CELF2: variants seen among roughly 807,000 people sequenced by gnomAD.
The protein encoded by CELF2 is CUG triplet repeat RNA-binding protein 2.
CELF2 carries 8 observed loss-of-function variants against 62.6 expected under a neutral mutation model. The observed-to-expected ratio is 0.13, with a 90% CI of 0.07 to 0.23. The LOEUF (loss-of-function observed/expected upper bound fraction) is 0.23. Among genes scored for constraint, CELF2 ranks in the 10% least tolerant of loss-of-function variants. The pLI is 1.00. For synonymous variants in CELF2, 258 were observed against 250.0 expected (o/e 1.03, Z -0.30); for missense variants, 333 against 671.0 (o/e 0.50, Z 5.56).
Position 11,039,987 on chromosome 10 carries a change from G to A in CELF2, c.74+21824G>A, listed in dbSNP as rs2061545817. On this transcript the variant is annotated intron_variant, in intron 1 of 12. Coordinates refer to ENST00000633077, the MANE Select transcript of CELF2 (RefSeq NM_001326342.2). This position sits in a 1 kb window ranked among gnomAD's most constrained non-coding sequence, Gnocchi z 4.1. ...TATTGATTATCTTTATGTGGACCATGACAAATTGATTTTTTAATTGAGACT... is the reference window on the plus strand; with the variant it reads ...TATTGATTATCTTTATGTGGACCATAACAAATTGATTTTTTAATTGAGACT... 6.6e-6 allele frequency among the ~76,000 whole-genome samples: 1 copy of A among 152,184 alleles called. No individual in the cohort carries two copies. The highest frequency in any genetic ancestry group is 2.4e-5 in the African/African-American group (1 of 41,446).
chr10:11,142,312 T>C (rs1055931191), intron 1 of CELF2, among the ~76,000 whole-genome samples: 1 of 152,198 alleles, frequency 6.6e-6, no homozygotes, highest in Admixed American at 6.5e-5. Context: ...ATGGTTCTTA[T>C]GGGGGAAAAT....
chr10:11,279,770 A>G (rs2087612111), intron 8 of CELF2, among the ~76,000 whole-genome samples: 1 of 152,220 alleles, frequency 6.6e-6, no homozygotes, highest in Admixed American at 6.5e-5. Flanking sequence ...AGTTTCAAGT[A>G]GGCATATTGC....
the CELF2 span, among the ~76,000 whole-genome samples, chr10:10,766,351 C>T: frequency 6.6e-6 from 1 of 152,198 alleles, no homozygotes; most frequent in Non-Finnish European, 1.5e-5. Context: ...CATTGTTGCA[C>T]TTCCTTTGTC....
intron 4 of CELF2, among the ~76,000 whole-genome samples, chr10:11,250,505 C>G (rs2076819372): frequency 6.6e-6 from 1 of 152,214 alleles, no homozygotes; most frequent in African/African-American, 2.4e-5. Flanking sequence ...TCCGCTGCTG[C>G]TCTGTGGCCC....
the CELF2 span, among the ~76,000 whole-genome samples, chr10:10,689,230 G>A: frequency 6.6e-6 from 1 of 152,058 alleles, no homozygotes; most frequent in Non-Finnish European, 1.5e-5. Flanking sequence ...TGACAATCAT[G>A]GTGAAAGGGG....
chr10:10,620,088 A>C, the CELF2 span, among the ~76,000 whole-genome samples: 1 of 152,214 alleles, frequency 6.6e-6, no homozygotes, highest in African/African-American at 2.4e-5. Flanking sequence ...AATGTTTCTA[A>C]TACTTCCTAT....
At chr10:11,040,737 GTTC>G (rs71511371) in intron 1 of CELF2, among the ~76,000 whole-genome samples, 29,971 of 152,016 alleles carry the variant, frequency 0.2, 3,079 homozygotes, top group Middle Eastern at 0.27. Flanking sequence ...GATTTTGTGA[GTTC>G]TTCTCTTCCA....
the CELF2 span, among the ~76,000 whole-genome samples, chr10:10,585,835 A>G: frequency 6.6e-6 from 1 of 152,298 alleles, no homozygotes; most frequent in East Asian, 1.9e-4. Context: ...GGTAAATACC[A>G]ATTTGCAGCA....
chr10:11,171,173 G>C (rs750060050), intron 2 of CELF2: 7 of 152,226 alleles, frequency 4.6e-5, no homozygotes, highest in Non-Finnish European at 8.8e-5. Context: ...CATAACTGCT[G>C]TGCAACTGCA....
chr10:10,759,312 T>TTTTTTTTTGAGATC, the CELF2 span, among the ~76,000 whole-genome samples: 1 of 130,572 alleles, frequency 7.7e-6, no homozygotes, highest in African/African-American at 3.0e-5. Context: ...TTTTTTTTTT[T>TTTTTTTTTGAGATC]TTTTTTTTTT....
In CELF2 at chr10:11,255,857, G is replaced by T. The variant is rs539582513; in HGVS notation, c.404-1881G>T. Among the ~76,000 whole-genome samples the T allele has an allele frequency of 2.0e-5, 3 of 152,242 alleles. No individual in the cohort carries two copies. The highest frequency in any genetic ancestry group is 4.8e-5 in the African/African-American group (2 of 41,544). ...CACATATCAAACTCATGGCAGCACC[G>T]GACCTAGAACCTTGGTCTTCTAATC... is the stretch of plus-strand genomic sequence containing the variant. On this transcript the variant is annotated intron_variant, in intron 4 of 12. Coordinates refer to ENST00000633077, the MANE Select transcript of CELF2 (RefSeq NM_001326342.2). This position sits in a 1 kb window ranked among gnomAD's most constrained non-coding sequence, Gnocchi z 5.5.
rs760558338 is a variant in CELF2 at position 10,832,200 on chromosome 10, G to A, written c.53+33383G>A. Among the ~76,000 whole-genome samples the A allele has an allele frequency of 5.5e-4, 84 of 151,848 alleles. 1 individual carries two copies. Among genetic ancestry groups the A allele is most frequent in the Non-Finnish European group, 3.7e-4 (25 of 67,942 alleles). On this transcript the variant is annotated intron_variant, in intron 1 of 13. Transcript: ENST00000636488. ...GGAGAATCACTTGGACCCAGGAGGC[G>A]GAGGTTCCAGTGAGCCAAGATCATG...
At chr10:10,489,328 A>C in the CELF2 span, among the ~76,000 whole-genome samples, 1 of 152,076 alleles carries the variant, frequency 6.6e-6, no homozygotes, top group South Asian at 2.1e-4. Context: ...GGGATTTCCA[A>C]ATTGTAACTG....
chr10:11,054,624 C>T (rs1287758692), intron 1 of CELF2, among the ~76,000 whole-genome samples: 1 of 152,012 alleles, frequency 6.6e-6, no homozygotes, highest in Non-Finnish European at 1.5e-5. Flanking sequence ...GACGTGTAGT[C>T]TGTGGATTGG....
At chr10:10,728,452 CAAAAAAAA>C in the CELF2 span, among the ~76,000 whole-genome samples, 967 of 81,452 alleles carry the variant, frequency 0.012, 6 homozygotes, top group African/African-American at 0.04. Flanking sequence ...GACTCTGTTT[CAAAAAAAA>C]AAAAAAAAAA....
chr10:10,635,403 G>C, the CELF2 span, among the ~76,000 whole-genome samples: 1 of 152,070 alleles, frequency 6.6e-6, no homozygotes, highest in African/African-American at 2.4e-5. Context: ...CCATGTACCA[G>C]TTTATCAATT....
chr10:11,213,694 C>G (rs1182397634), intron 2 of CELF2, among the ~76,000 whole-genome samples: 1 of 152,176 alleles, frequency 6.6e-6, no homozygotes, highest in Non-Finnish European at 1.5e-5. Flanking sequence ...ATTCCAGTAT[C>G]TGGAAAGGTA....
chr10:10,672,489 CT>C, the CELF2 span, among the ~76,000 whole-genome samples: 4,827 of 138,212 alleles, frequency 0.035, 198 homozygotes, highest in African/African-American at 0.11. Context: ...GTCTACATTC[CT>C]TTTTTTTTTT....
chr10:11,212,527 CTT>C (rs767219851), intron 2 of CELF2, among the ~76,000 whole-genome samples: 16 of 152,176 alleles, frequency 1.1e-4, no homozygotes, highest in Non-Finnish European at 2.2e-4. Context: ...TCAGCACAGT[CTT>C]TTTGTAGTCA....
Sources: allele counts gnomAD v4.1 joint callset (sites outside exome capture counted in the v4.1 genomes callset), GRCh38; gene constraint gnomAD v4.1.1; non-coding constraint Gnocchi (gnomAD v3.1); transcripts MANE v1.5; gene names NCBI Gene and HGNC (gene_info 2026-07-23, HGNC 2026-07-21).